FAH: variants seen among roughly 807,000 people sequenced by gnomAD.
FAH encodes the protein fumarylacetoacetase.
In FAH, 47 loss-of-function variants were observed where a neutral mutation model predicts 55.8. The ratio of observed to expected loss-of-function variants is 0.84; its 90% CI spans 0.67 to 1.07. The LOEUF is 1.07. Ranked by LOEUF, FAH falls within the 50% of genes least tolerant of loss-of-function variation. The pLI, the probability that FAH is intolerant of heterozygous loss-of-function variation, is 0.00. For missense variants in FAH, 495 were observed against 545.9 expected (o/e 0.91, Z 0.93); for synonymous variants, 199 against 207.7 (o/e 0.96, Z 0.36).
chr15:80,176,903 C>T (rs1486124439), intron 10 of FAH, among the ~76,000 whole-genome samples: 1 of 152,150 alleles, frequency 6.6e-6, no homozygotes, highest in Admixed American at 6.5e-5. Flanking sequence ...ACCCAGACCT[C>T]GCATGGCTGA....
Position 80,170,123 on chromosome 15 carries a change from G to C in FAH, c.606+1807G>C, listed in dbSNP as rs535130308. Among the ~76,000 whole-genome samples the C allele has an allele frequency of 9.2e-5, 14 of 152,376 alleles. No homozygotes were observed. The South Asian group carries it at 2.9e-3, about 32-fold the overall frequency. Reference sequence around the variant, plus strand: ...GTGATGGAAAGGAGGAGCTGACCTGGGGGAGGCAGCGCTCCGGGGACCTGG... The same window carrying C: ...GTGATGGAAAGGAGGAGCTGACCTGCGGGAGGCAGCGCTCCGGGGACCTGG... On this transcript the variant is annotated intron_variant, in intron 7 of 13. Coordinates refer to ENST00000561421, the MANE Select transcript of FAH (RefSeq NM_000137.4).
chr15:80,175,283 G>T (rs550726941), intron 10 of FAH, among the ~76,000 whole-genome samples, 192 bp downstream of exon 10: 1 of 152,088 alleles, frequency 6.6e-6, no homozygotes, highest in South Asian at 2.1e-4. Flanking sequence ...AACCTAACTG[G>T]GCCCATAGGG....
intron 5 of FAH, chr15:80,165,999 A>G (rs1330386694): frequency 6.6e-6 from 1 of 152,238 alleles, no homozygotes; most frequent in Admixed American, 6.5e-5. Flanking sequence ...ATATATATAC[A>G]TGGTTGAGAA....
chr15:80,175,659 C>T (rs148257130), intron 10 of FAH, among the ~76,000 whole-genome samples: 89 of 152,332 alleles, frequency 5.8e-4, no homozygotes, highest in African/African-American at 1.9e-3. Context: ...AGCCCGCCTC[C>T]GCGAACAGGC....
chr15:80,154,775 C>T (rs541225639), intron 1 of FAH, among the ~76,000 whole-genome samples: 4 of 152,264 alleles, frequency 2.6e-5, no homozygotes, highest in South Asian at 2.1e-4. Flanking sequence ...GCCTGGGCTC[C>T]GAGTTGGCAT....
chr15:80,168,352 A>G lies in FAH; in HGVS notation c.606+36A>G, dbSNP rs762945713. The G allele has an allele frequency of 2.5e-5, 40 of 1,607,686 alleles. No individual in the cohort carries two copies. The Middle Eastern group carries it at 5.0e-4, about 20-fold the overall frequency. ...TTGATGTTTTATTGCCATGGGATCTATAGACACCCGGCAGGAGAGCCCTTT... is the reference window on the plus strand; with the variant it reads ...TTGATGTTTTATTGCCATGGGATCTGTAGACACCCGGCAGGAGAGCCCTTT... On this transcript the variant is annotated intron_variant, in intron 7 of 13. Coordinates refer to ENST00000561421, the MANE Select transcript of FAH (RefSeq NM_000137.4).
chr15:80,160,589 G>A, intron 4 of FAH, 130 bp downstream of exon 4: 2 of 861,046 alleles, frequency 2.3e-6, no homozygotes, highest in Non-Finnish European at 1.9e-6. Flanking sequence ...AGGGGCTCTG[G>A]GGCTGTTACC....
At chr15:80,174,881 A>G (rs2041269336) in intron 9 of FAH, 135 bp from the exon 10 acceptor site, 1 of 744,804 alleles carries the variant, frequency 1.3e-6, no homozygotes, top group African/African-American at 1.7e-5. Flanking sequence ...GTCCCTGGAG[A>G]GGGAATGCTC....
chr15:80,158,867 G>A (rs1223161751), intron 2 of FAH, among the ~76,000 whole-genome samples: 3 of 152,156 alleles, frequency 2.0e-5, no homozygotes, highest in Non-Finnish European at 1.5e-5. Context: ...AGAAGTATCA[G>A]AGCTGGGACT....
At chr15:80,183,912 C>T (rs1017009947) in intron 13 of FAH, among the ~76,000 whole-genome samples, 8 of 152,182 alleles carry the variant, frequency 5.3e-5, no homozygotes, top group African/African-American at 1.9e-4. Flanking sequence ...CAGTTGGGCT[C>T]CAGGAGCTGT....
At chr15:80,168,956 A>G (rs1030872804) in intron 7 of FAH, among the ~76,000 whole-genome samples, 2 of 152,220 alleles carry the variant, frequency 1.3e-5, no homozygotes. Flanking sequence ...CACACATAAA[A>G]CAGGCTATAT....
downstream of FAH, chr15:80,186,377 GA>G: frequency 1.4e-6 from 1 of 694,602 alleles, no homozygotes; most frequent in Non-Finnish European, 2.6e-6. Flanking sequence ...TTATGATCGT[GA>G]TTTGATCCAG....
chr15:80,160,928 G>A (rs1192847200), intron 4 of FAH, among the ~76,000 whole-genome samples: 1 of 152,302 alleles, frequency 6.6e-6, no homozygotes, highest in East Asian at 1.9e-4. Context: ...CTCAGCCTGC[G>A]GCCCAAAGCA....
At chr15:80,173,285 G>C (rs1286633273) in intron 9 of FAH, 141 bp downstream of exon 9, 2 of 1,111,056 alleles carry the variant, frequency 1.8e-6, no homozygotes, top group African/African-American at 1.5e-5. Context: ...CAGAGTGCCT[G>C]GGAGTTCCTG....
chr15:80,185,415 G>GA (rs2041362220), intron 13 of FAH, among the ~76,000 whole-genome samples: 1 of 152,248 alleles, frequency 6.6e-6, no homozygotes, highest in South Asian at 2.1e-4. Flanking sequence ...AAGTAGAGGA[G>GA]CCAGGCTTTG....
chr15:80,184,694 C>A (rs1399178039), intron 13 of FAH, among the ~76,000 whole-genome samples: 1 of 152,112 alleles, frequency 6.6e-6, no homozygotes, highest in African/African-American at 2.4e-5. Context: ...CAAAGGGCAT[C>A]CCTGCATGTT....
At chr15:80,180,299 G>C (rs574528834) in intron 12 of FAH, 74 bp downstream of exon 12, 63 of 1,214,914 alleles carry the variant, frequency 5.2e-5, no homozygotes, top group Non-Finnish European at 7.1e-5. Flanking sequence ...AGGGCCCTCA[G>C]CTCAGCCTCG....
In FAH at chr15:80,176,029, T is replaced by C. The variant is rs574081435; in HGVS notation, c.913+938T>C. On this transcript the variant is annotated intron_variant, in intron 10 of 13. Transcript: ENST00000561421. ...TTTCTTTTCTTTTCTTCTTTTTTTT[T>C]CCCCCGAGATGGAGTTTCACTCTTC... is the stretch of plus-strand genomic sequence containing the variant. 7.5e-4 allele frequency among the ~76,000 whole-genome samples: 114 copies of C among 152,026 alleles called. No individual in the cohort carries two copies. The South Asian group carries it at 0.014, about 19-fold the overall frequency.
chr15:80,160,566 G>T, intron 4 of FAH, 107 bp downstream of exon 4: 1 of 1,093,194 alleles, frequency 9.1e-7, no homozygotes, highest in East Asian at 2.4e-5. Context: ...CTGCTGGTGG[G>T]GGGAGATGGA....
Sources: allele counts gnomAD v4.1 joint callset (sites outside exome capture counted in the v4.1 genomes callset), GRCh38; gene constraint gnomAD v4.1.1; transcripts MANE v1.5; gene names NCBI Gene and HGNC (gene_info 2026-07-23, HGNC 2026-07-21).